NME7: variants seen among roughly 807,000 people sequenced by gnomAD.
NME7 encodes nucleoside diphosphate kinase 7.
In NME7, 41 loss-of-function variants were observed where a neutral mutation model predicts 49.1. The observed-to-expected ratio is 0.83, with a 90% CI of 0.65 to 1.08. NME7 has a LOEUF of 1.08. Among genes scored for constraint, NME7 ranks in the 50% least tolerant of loss-of-function variants. The probability of loss-of-function intolerance (pLI) is 0.00; values close to 1 mark genes in which losing one functional copy is unlikely to be tolerated. For missense variants in NME7, 423 were observed against 463.4 expected, an observed-to-expected ratio of 0.91 and a Z score of 0.80; for synonymous variants, 139 against 150.6, an observed-to-expected ratio of 0.92 and a Z score of 0.56.
rs77666072 is a variant in NME7, at chr1:169,178,571, C to T, written c.991-9017G>A. 5.9e-3 allele frequency among the ~76,000 whole-genome samples: 905 copies of T among 152,160 alleles called. 27 individuals carry two copies. The East Asian group carries it at 0.083, about 14-fold the overall frequency. ...CTGCAACACTTAAGAAACTTAAGTT[C>T]GTAAATAGCTACTTCCTTGAATCGA... On this transcript the variant is annotated intron_variant, in intron 10 of 11. Transcript: ENST00000367811.
chr1:169,266,438 A>G (rs1229411572), intron 7 of NME7, among the ~76,000 whole-genome samples: 1 of 133,862 alleles, frequency 7.5e-6, no homozygotes, highest in African/African-American at 2.5e-5. Flanking sequence ...CTAGGCATTG[A>G]GGAACATACT....
intron 10 of NME7, among the ~76,000 whole-genome samples, chr1:169,185,316 T>C (rs965209967): frequency 1.2e-4 from 18 of 152,224 alleles, no homozygotes; most frequent in African/African-American, 3.4e-4. Context: ...CTACATGATT[T>C]ATGCTTTAGA....
chr1:169,340,035 C>A (rs902793696), intron 1 of NME7, among the ~76,000 whole-genome samples: 4 of 146,190 alleles, frequency 2.7e-5, no homozygotes, highest in Non-Finnish European at 4.5e-5. Flanking sequence ...CCTGTACCAT[C>A]CCTTGTTAGT....
chr1:169,182,103 C>T (rs1160139694), intron 10 of NME7, among the ~76,000 whole-genome samples: 3 of 150,396 alleles, frequency 2.0e-5, no homozygotes, highest in Non-Finnish European at 4.4e-5. Context: ...CTCCTGGGCT[C>T]AAGTGACCTT....
chr1:169,164,650 T>C (rs1659354015), intron 11 of NME7, among the ~76,000 whole-genome samples: 1 of 152,302 alleles, frequency 6.6e-6, no homozygotes. Flanking sequence ...ATGGGTGCCA[T>C]GGAAGGTTTC....
rs143080143 is a variant in NME7, at chr1:169,273,184, T to C, written c.754+14119A>G. On this transcript the variant is annotated intron_variant, in intron 7 of 11. Coordinates refer to ENST00000367811, the MANE Select transcript of NME7 (RefSeq NM_013330.5). The stretch of plus-strand genomic sequence containing the variant: ...TCAACCTATCACATATAATTAGGTA[T>C]TTCTCCTAATGTCATCCCTCCCCTA... Among the ~76,000 whole-genome samples the C allele has an allele frequency of 1.6e-3, 212 of 133,338 alleles. 25 individuals are homozygous for C. Among genetic ancestry groups the C allele is most frequent in the African/African-American group, 5.0e-3 (198 of 39,488 alleles). The allele number at this position is 133,338 out of a possible 152,430, so 87.5% of individuals were successfully genotyped here.
intron 1 of NME7, among the ~76,000 whole-genome samples, chr1:169,353,643 C>G (rs2101978656): frequency 6.6e-6 from 1 of 152,104 alleles, no homozygotes; most frequent in Non-Finnish European, 1.5e-5. Context: ...TATTTGCAAA[C>G]TAACCATCTA....
intron 1 of NME7, among the ~76,000 whole-genome samples, chr1:169,360,077 T>C (rs529211611): frequency 2.6e-5 from 4 of 152,354 alleles, no homozygotes; most frequent in Non-Finnish European, 4.4e-5. Context: ...TTCAATCATA[T>C]GCTATAGCAG....
At chr1:169,297,927 G>C (rs1222404334) in intron 6 of NME7, among the ~76,000 whole-genome samples, 7 of 152,152 alleles carry the variant, frequency 4.6e-5, no homozygotes, top group Non-Finnish European at 1.0e-4. Flanking sequence ...TGATGAAATG[G>C]TAGGAAAAAG....
intron 7 of NME7, chr1:169,283,856 C>A (rs1313987886): frequency 6.6e-6 from 1 of 152,172 alleles, no homozygotes; most frequent in Non-Finnish European, 1.5e-5. Context: ...GTAACCCAAC[C>A]TTTCTCTCTG....
At chr1:169,172,077 T>C (rs925320235) in intron 10 of NME7, among the ~76,000 whole-genome samples, 1 of 151,652 alleles carries the variant, frequency 6.6e-6, no homozygotes, top group African/African-American at 2.4e-5. Context: ...CTGCTCTTCA[T>C]GCAGCCCTCC....
chr1:169,274,015 G>C lies in NME7; in HGVS notation c.754+13288C>G, dbSNP rs1291815049. Among the ~76,000 whole-genome samples the C allele has an allele frequency of 1.5e-5, 2 of 131,546 alleles. 1 individual carries two copies. Among genetic ancestry groups the C allele is most frequent in the Non-Finnish European group, 3.6e-5 (2 of 56,190 alleles). The allele number at this position is 131,546 out of a possible 152,430, so 86.3% of individuals were successfully genotyped here. ...ATTGCTGGGTCAAATGGTATTTCTAGTTCTAGATCCCTGAGGAATCGCCAC... is the reference window on the plus strand; with the variant it reads ...ATTGCTGGGTCAAATGGTATTTCTACTTCTAGATCCCTGAGGAATCGCCAC... On this transcript the variant is annotated intron_variant, in intron 7 of 11. Transcript: ENST00000367811.
chr1:169,228,871 T>C (rs1647463458), intron 10 of NME7, among the ~76,000 whole-genome samples: 1 of 152,166 alleles, frequency 6.6e-6, no homozygotes, highest in Non-Finnish European at 1.5e-5. Context: ...TCAATGGCCT[T>C]TGCAACAGAG....
At chr1:169,220,629 C>A (rs968890868) in intron 10 of NME7, among the ~76,000 whole-genome samples, 5 of 152,114 alleles carry the variant, frequency 3.3e-5, no homozygotes, top group Admixed American at 6.5e-5. Context: ...TTATTGCATG[C>A]AAATCACTTC....
At chr1:169,157,575 A>C (rs1265931402) in intron 11 of NME7, among the ~76,000 whole-genome samples, 2 of 152,274 alleles carry the variant, frequency 1.3e-5, no homozygotes, top group Admixed American at 1.3e-4. Flanking sequence ...ACTTCCCCCC[A>C]AAAAATCTGG....
intron 6 of NME7, among the ~76,000 whole-genome samples, chr1:169,288,050 C>T (rs1259956798): frequency 1.3e-5 from 2 of 152,130 alleles, no homozygotes; most frequent in African/African-American, 4.8e-5. Context: ...TAAGCTTTCA[C>T]TGCTATTATT....
At chr1:169,262,304 A>G (rs12753710) in intron 7 of NME7, among the ~76,000 whole-genome samples, 15,250 of 134,252 alleles carry the variant, frequency 0.11, 3,957 homozygotes, top group East Asian at 0.75. Context: ...CCACATGAAT[A>G]ACTCAAGCAA....
chr1:169,366,010 G>A (rs1653837909), intron 1 of NME7, among the ~76,000 whole-genome samples: 1 of 152,208 alleles, frequency 6.6e-6, no homozygotes, highest in Non-Finnish European at 1.5e-5. Flanking sequence ...TGAGACAGAT[G>A]TGTCCGGGAA....
intron 7 of NME7, among the ~76,000 whole-genome samples, chr1:169,282,946 T>C (rs1650085305): frequency 6.6e-6 from 1 of 152,186 alleles, no homozygotes; most frequent in South Asian, 2.1e-4. Context: ...GAGAGTTCTG[T>C]GGAGGTCTAT....
Sources: allele counts gnomAD v4.1 joint callset (sites outside exome capture counted in the v4.1 genomes callset), GRCh38; gene constraint gnomAD v4.1.1; transcripts MANE v1.5; gene names NCBI Gene and HGNC (gene_info 2026-07-23, HGNC 2026-07-21).